TMEM178B: variants seen among roughly 807,000 people sequenced by gnomAD.
The protein encoded by TMEM178B is transmembrane protein 178B.
In TMEM178B, 5 loss-of-function variants were observed where a neutral mutation model predicts 31.0. The observed-to-expected ratio is 0.16, with a 90% CI of 0.08 to 0.34. The LOEUF is 0.34. Among genes scored for constraint, TMEM178B ranks in the 10% least tolerant of loss-of-function variants. The probability of loss-of-function intolerance (pLI) is 1.00; values close to 1 mark genes in which losing one functional copy is unlikely to be tolerated. For missense variants in TMEM178B, 275 were observed against 400.3 expected (o/e 0.69, Z 2.67); for synonymous variants, 164 against 164.0 (o/e 1.00, Z 0.00).
At chr7:141,388,888 A>G (rs1446648958) in intron 2 of TMEM178B, among the ~76,000 whole-genome samples, 6 of 145,476 alleles carry the variant, frequency 4.1e-5, no homozygotes, top group Non-Finnish European at 9.1e-5. Flanking sequence ...AATTTTTATT[A>G]AGGAAGGTGC....
intron 2 of TMEM178B, among the ~76,000 whole-genome samples, chr7:141,214,730 G>A (rs562071115): frequency 1.8e-4 from 28 of 152,172 alleles, no homozygotes; most frequent in Non-Finnish European, 3.7e-4. Context: ...TGAGCCCTGC[G>A]TGTCTCCAGG....
intron 1 of TMEM178B, among the ~76,000 whole-genome samples, chr7:141,128,929 A>G (rs1795550775): frequency 6.6e-6 from 1 of 152,240 alleles, no homozygotes; most frequent in Non-Finnish European, 1.5e-5. Flanking sequence ...GATTGGAGAT[A>G]TATTACCCAT....
intron 1 of TMEM178B, among the ~76,000 whole-genome samples, chr7:141,170,250 T>A (rs1248644131): frequency 2.0e-5 from 3 of 152,230 alleles, no homozygotes; most frequent in Non-Finnish European, 2.9e-5. Context: ...ATTTATTCTG[T>A]CACCAAAGTG....
At chr7:141,377,527 T>G (rs567417979) in intron 2 of TMEM178B, among the ~76,000 whole-genome samples, 1 of 152,070 alleles carries the variant, frequency 6.6e-6, no homozygotes, top group Admixed American at 6.5e-5. Context: ...AAAAATTAGC[T>G]AGGCGTGGCA....
At chr7:141,249,201 G>A (rs557584281) in intron 2 of TMEM178B, among the ~76,000 whole-genome samples, 2 of 152,316 alleles carry the variant, frequency 1.3e-5, no homozygotes, top group South Asian at 2.1e-4. Flanking sequence ...GAATCATGGA[G>A]GAGGTTTCCC....
intron 1 of TMEM178B, among the ~76,000 whole-genome samples, chr7:141,203,804 T>C (rs965146545): frequency 2.6e-5 from 4 of 152,166 alleles, no homozygotes; most frequent in Non-Finnish European, 5.9e-5. Flanking sequence ...TACGGGAGCC[T>C]CTGGCATGTG....
At position 141,332,967 on chromosome 7, in the gene TMEM178B, G is replaced by A. The variant is rs148595199; in HGVS notation, c.497-104641G>A. Among the ~76,000 whole-genome samples the A allele has an allele frequency of 1.8e-3, 267 of 152,300 alleles. 1 individual carries two copies. The highest frequency in any genetic ancestry group is 5.8e-3 in the African/African-American group (241 of 41,562). ...ATCTCCTTTTGCTCACACCAAGAGC[G>A]CTTAGCGGAAGAGTTGGCCCATCCA... On this transcript the variant is annotated intron_variant, in intron 2 of 3. Transcript: ENST00000565468.
Position 141,472,756 on chromosome 7 carries a change from C to G in TMEM178B, c.*1970C>G, listed in dbSNP as rs1481281133. ...CACCTACTAACCACTTACCTTCTCTCTCTTCTATCTTCCACCCTCATCTGC... is the reference window on the plus strand; with the variant it reads ...CACCTACTAACCACTTACCTTCTCTGTCTTCTATCTTCCACCCTCATCTGC... On this transcript the variant is annotated 3_prime_UTR_variant, in exon 4 of 4. Coordinates refer to ENST00000565468, the MANE Select transcript of TMEM178B (RefSeq NM_001195278.2). 6.6e-6 allele frequency: 1 copy of G among 152,326 alleles called. No individual in the cohort carries two copies. The highest frequency in any genetic ancestry group is 1.5e-5 in the Non-Finnish European group (1 of 68,096). The allele number at this position is 152,326 out of a possible 1,614,324, so 9.4% of individuals were successfully genotyped here.
chr7:141,407,279 C>T (rs1272814105), intron 2 of TMEM178B, among the ~76,000 whole-genome samples: 1 of 152,186 alleles, frequency 6.6e-6, no homozygotes, highest in Non-Finnish European at 1.5e-5. Flanking sequence ...TGAAAGGCTG[C>T]CCTGTTTGAT....
At chr7:141,109,400 CAG>C (rs928100888) in intron 1 of TMEM178B, among the ~76,000 whole-genome samples, 32 of 152,060 alleles carry the variant, frequency 2.1e-4, no homozygotes, top group East Asian at 1.4e-3. Flanking sequence ...GGGTGGTGGA[CAG>C]AGTGTGACAC....
At chr7:141,324,416 G>GTTGTT (rs1799151207) in intron 2 of TMEM178B, among the ~76,000 whole-genome samples, 5 of 85,738 alleles carry the variant, frequency 5.8e-5, no homozygotes, top group African/African-American at 2.0e-4. Context: ...GGAGACCAGG[G>GTTGTT]TTTTTTTTTT....
chr7:141,074,557 C>G lies in TMEM178B; in HGVS notation c.247C>G (p.Arg83Gly). The G allele has an allele frequency of 4.6e-6, 7 of 1,535,956 alleles. No homozygotes were observed. The highest frequency in any genetic ancestry group is 1.4e-5 in the African/African-American group (1 of 73,182). ...CTGGGAGGGCAAACTCCTCCGGGCC[C>G]GGAATCGCCGGCAGCTGTTCGCCAT... Reference protein sequence around the residue: ...DRWEGKLLRARNRRQLFAMSP... With the variant: ...DRWEGKLLRAGNRRQLFAMSP... The change falls in exon 1 of 4, where the codon CGG (arginine) becomes GGG (glycine). Residue 83 changes from arginine (R) to glycine (G), a missense_variant. By Grantham distance (125) the Arg-to-Gly change is moderately radical. Coordinates refer to ENST00000565468, the MANE Select transcript of TMEM178B (RefSeq NM_001195278.2). The surrounding 1 kb of genome is among the most constrained non-coding windows in gnomAD (Gnocchi z 5.1).
intron 2 of TMEM178B, among the ~76,000 whole-genome samples, chr7:141,291,896 G>T (rs1420360595): frequency 3.3e-5 from 5 of 150,160 alleles, no homozygotes; most frequent in African/African-American, 1.2e-4. Flanking sequence ...CTGGGGGTCT[G>T]CCCTTGGTTT....
At chr7:141,320,622 C>T (rs1015041196) in intron 2 of TMEM178B, among the ~76,000 whole-genome samples, 13 of 152,144 alleles carry the variant, frequency 8.5e-5, no homozygotes, top group East Asian at 1.9e-4. Context: ...AATTCTGGAG[C>T]GCTTTACATA....
intron 2 of TMEM178B, among the ~76,000 whole-genome samples, chr7:141,427,681 G>T (rs1586952946): frequency 6.6e-6 from 1 of 151,986 alleles, no homozygotes; most frequent in East Asian, 1.9e-4. Flanking sequence ...AAAAGCACAG[G>T]CAACAAAAAC....
intron 2 of TMEM178B, among the ~76,000 whole-genome samples, chr7:141,303,828 A>G (rs1798768108): frequency 6.6e-6 from 1 of 152,220 alleles, no homozygotes; most frequent in Non-Finnish European, 1.5e-5. Context: ...TTAATAATGG[A>G]CAAATGCTAC....
chr7:141,214,476 A>G (rs1797100194), intron 2 of TMEM178B, among the ~76,000 whole-genome samples: 1 of 152,240 alleles, frequency 6.6e-6, no homozygotes, highest in Non-Finnish European at 1.5e-5. Context: ...GATAATTACA[A>G]TATAGTAGAA....
intron 2 of TMEM178B, among the ~76,000 whole-genome samples, chr7:141,328,276 G>A (rs1369573156): frequency 1.3e-5 from 2 of 152,168 alleles, no homozygotes; most frequent in Non-Finnish European, 2.9e-5. Context: ...TCACACAGTG[G>A]TATGTTCTAT....
chr7:141,120,165 T>C (rs1236801941), intron 1 of TMEM178B, among the ~76,000 whole-genome samples: 1 of 152,224 alleles, frequency 6.6e-6, no homozygotes, highest in Non-Finnish European at 1.5e-5. Context: ...TCAGAAGCCC[T>C]GCATGGAGTC....
Sources: allele counts gnomAD v4.1 joint callset (sites outside exome capture counted in the v4.1 genomes callset), GRCh38; gene constraint gnomAD v4.1.1; non-coding constraint Gnocchi (gnomAD v3.1); transcripts MANE v1.5; gene names NCBI Gene and HGNC (gene_info 2026-07-23, HGNC 2026-07-21).